Variants in CD226 observed in about 807,000 individuals in gnomAD.
The protein encoded by CD226 is CD226 antigen.
A neutral mutation model predicts 34.9 loss-of-function variants in CD226; 24 were observed. That is an observed-to-expected ratio of 0.69 (90% CI 0.50 to 0.97). CD226 has a LOEUF of 0.97. CD226 is among the 50% of genes least tolerant of loss of function. The pLI is 0.00. For missense variants in CD226, 397 were observed against 412.7 expected (o/e 0.96, Z 0.33); for synonymous variants, 148 against 147.4 (o/e 1.00, Z -0.03).
chr18:69,918,897 A>G (rs1164417746), intron 2 of CD226, among the ~76,000 whole-genome samples: 2 of 152,150 alleles, frequency 1.3e-5, no homozygotes, highest in Non-Finnish European at 2.9e-5. Flanking sequence ...CGTGGACTGA[A>G]TGTGTGGGGC....
At chr18:69,935,955 T>G (rs1449587515) in intron 2 of CD226, among the ~76,000 whole-genome samples, 1 of 152,210 alleles carries the variant, frequency 6.6e-6, no homozygotes, top group Non-Finnish European at 1.5e-5. Context: ...CTCGCCTGAC[T>G]GCATTTGACA....
intron 3 of CD226, among the ~76,000 whole-genome samples, chr18:69,875,317 T>C (rs958925121): frequency 2.0e-5 from 3 of 152,104 alleles, no homozygotes; most frequent in Admixed American, 6.5e-5. Flanking sequence ...TTTGTATTTT[T>C]AGTAGAGATG....
upstream of CD226, among the ~76,000 whole-genome samples, chr18:69,948,421 G>T (rs1182132967): frequency 6.6e-6 from 1 of 152,160 alleles, no homozygotes; most frequent in Non-Finnish European, 1.5e-5. Context: ...AGTAAAAATT[G>T]GGAAAAGTAG....
chr18:69,892,311 TA>T (rs1418959562), intron 3 of CD226, among the ~76,000 whole-genome samples: 1 of 152,198 alleles, frequency 6.6e-6, no homozygotes, highest in Non-Finnish European at 1.5e-5. Context: ...TAGCTAATAT[TA>T]AAATATTTGA....
At chr18:69,952,190 A>C (rs1002429517), upstream of CD226, among the ~76,000 whole-genome samples, 8 of 152,190 alleles carry the variant, frequency 5.3e-5, no homozygotes, top group African/African-American at 1.9e-4. Flanking sequence ...CTCAAAAACC[A>C]CATGTTCTCA....
upstream of CD226, among the ~76,000 whole-genome samples, chr18:69,960,546 T>A (rs879418150): frequency 2.0e-5 from 3 of 152,152 alleles, no homozygotes; most frequent in South Asian, 6.2e-4. Flanking sequence ...ACTACCTGGG[T>A]TCAAGTGATT....
intron 3 of CD226, among the ~76,000 whole-genome samples, chr18:69,881,865 C>T (rs141484319): frequency 8.6e-4 from 131 of 152,186 alleles, no homozygotes; most frequent in African/African-American, 2.9e-3. Flanking sequence ...GCCTGAAATA[C>T]GCATCACGTG....
chr18:69,892,811 T>TA (rs1984986318), intron 3 of CD226, among the ~76,000 whole-genome samples: 1 of 151,656 alleles, frequency 6.6e-6, no homozygotes, highest in African/African-American at 2.4e-5. Context: ...ATGAGAGTCC[T>TA]AAAAATCTCT....
rs747363541 is a variant in CD226, at chr18:69,947,466, G to A, written c.-60C>T. ...AAAAAAAAATTGCTTTTTATAATGT[G>A]ACATGCAGATCCCCAGCACAATGCA... On this transcript the variant is annotated 5_prime_UTR_variant, in exon 1 of 6. Coordinates refer to ENST00000582621, the MANE Select transcript of CD226 (RefSeq NM_001303618.2). 2 of 1,026,968 alleles carry A rather than the reference G, an allele frequency of 1.9e-6. No individual in the cohort carries two copies. Among genetic ancestry groups the A allele is most frequent in the Non-Finnish European group, 2.9e-6 (2 of 679,834 alleles). 63.6% of individuals were successfully genotyped at this position (1,026,968 alleles called of 1,614,324 possible). A position where few individuals can be genotyped will look rare whatever the true frequency, so the allele number is the denominator to read the frequency against.
At chr18:69,891,173 C>G (rs1033892802) in intron 3 of CD226, among the ~76,000 whole-genome samples, 8 of 151,948 alleles carry the variant, frequency 5.3e-5, no homozygotes, top group Admixed American at 2.0e-4. Flanking sequence ...GATGGTTCAA[C>G]ATATGTAAAT....
At chr18:69,954,696 C>G (rs1345491951) in intron 1 of CD226, among the ~76,000 whole-genome samples, 1 of 151,990 alleles carries the variant, frequency 6.6e-6, no homozygotes, top group East Asian at 1.9e-4. Flanking sequence ...CCAAGGCATC[C>G]AGAGCCAACT....
chr18:69,939,354 G>C (rs933371533), intron 2 of CD226, among the ~76,000 whole-genome samples: 4 of 152,098 alleles, frequency 2.6e-5, no homozygotes, highest in African/African-American at 4.8e-5. Flanking sequence ...AGGAACCCTA[G>C]TTTACCTATT....
chr18:69,958,410 CT>C (rs1300188858), upstream of CD226, among the ~76,000 whole-genome samples: 2 of 152,116 alleles, frequency 1.3e-5, no homozygotes, highest in Non-Finnish European at 2.9e-5. Context: ...GTTGGGGCTG[CT>C]TTTTTGCCTC....
At chr18:69,898,899 G>A (rs991431561) in intron 2 of CD226, among the ~76,000 whole-genome samples, 4 of 152,024 alleles carry the variant, frequency 2.6e-5, no homozygotes, top group African/African-American at 9.7e-5. Context: ...ATTGGAAAGT[G>A]GATTCACGTG....
chr18:69,946,206 A>AAGG (rs2055789233), intron 2 of CD226, among the ~76,000 whole-genome samples: 2 of 128,826 alleles, frequency 1.6e-5, no homozygotes, highest in Non-Finnish European at 3.5e-5. Flanking sequence ...AAAAAAAAAA[A>AAGG]AAGAAGGAAG....
chr18:69,955,948 C>A (rs1318742940), intron 1 of CD226, among the ~76,000 whole-genome samples: 2 of 151,708 alleles, frequency 1.3e-5, no homozygotes, highest in Non-Finnish European at 2.9e-5. Flanking sequence ...ATTAAGAGAA[C>A]CTTTCCAATG....
chr18:69,952,628 AC>A (rs1242694056), upstream of CD226, among the ~76,000 whole-genome samples: 1 of 152,134 alleles, frequency 6.6e-6, no homozygotes, highest in Non-Finnish European at 1.5e-5. Flanking sequence ...TAAATATAAG[AC>A]CTCAGACTGT....
chr18:69,878,810 C>G (rs1043048196), intron 3 of CD226, among the ~76,000 whole-genome samples: 4 of 152,178 alleles, frequency 2.6e-5, no homozygotes, highest in Non-Finnish European at 5.9e-5. Context: ...CAGGGTCAAG[C>G]AATTCCTGGT....
At chr18:69,946,201 A>T (rs1484689536) in intron 2 of CD226, among the ~76,000 whole-genome samples, 1 of 150,188 alleles carries the variant, frequency 6.7e-6, no homozygotes, top group Admixed American at 6.6e-5. Context: ...AAAAAAAAAA[A>T]AAAAAAAGAA....
Sources: allele counts gnomAD v4.1 joint callset (sites outside exome capture counted in the v4.1 genomes callset), GRCh38; gene constraint gnomAD v4.1.1; transcripts MANE v1.5; gene names NCBI Gene and HGNC (gene_info 2026-07-23, HGNC 2026-07-21).